MED21: variants seen among roughly 807,000 people sequenced by gnomAD.
MED21 encodes mediator of RNA polymerase II transcription subunit 21.
Under a neutral mutation model 18.2 loss-of-function variants are expected in MED21, and 9 were observed. The ratio of observed to expected loss-of-function variants is 0.49; its 90% CI spans 0.30 to 0.86. The LOEUF is 0.86. MED21 is among the 40% of genes least tolerant of loss of function. The probability of loss-of-function intolerance (pLI) is 0.07; values close to 1 mark genes in which losing one functional copy is unlikely to be tolerated. For missense variants in MED21, 150 were observed against 170.9 expected (o/e 0.88, Z 0.68); for synonymous variants, 73 against 60.5 (o/e 1.21, Z -0.96).
Position 27,028,804 on chromosome 12 carries a change from CAA to C in MED21, c.*346_*347del. On this transcript the variant is annotated 3_prime_UTR_variant, in exon 4 of 4. Transcript: ENST00000282892. ...TGTATTGGCCAGTACTTTTACAAAT[CAA>C]AACATCTCTCAAGCCAAAGGAGAAG... 1.0e-6 allele frequency: 1 copy of C among 999,572 alleles called. No individual in the cohort carries two copies. The highest frequency in any genetic ancestry group is 1.2e-6 in the Non-Finnish European group (1 of 838,440). The allele number at this position is 999,572 out of a possible 1,614,324, so 61.9% of individuals were successfully genotyped here. A position where few individuals can be genotyped will look rare whatever the true frequency, so the allele number is the denominator to read the frequency against.
intron 1 of MED21, among the ~76,000 whole-genome samples, chr12:27,025,179 C>G (rs761708102): frequency 6.6e-6 from 1 of 152,096 alleles, no homozygotes; most frequent in Non-Finnish European, 1.5e-5. Flanking sequence ...GAGAATGTAT[C>G]CAATTTAAAA....
At chr12:27,031,907 G>A (rs77140878), downstream of MED21, among the ~76,000 whole-genome samples, 3,018 of 152,190 alleles carry the variant, frequency 0.02, 100 homozygotes, top group African/African-American at 0.068. Context: ...CAAGGCGTGC[G>A]TACCCCTTGG....
In MED21 at chr12:27,028,594, T is replaced by A. The variant is rs1216820744; in HGVS notation, c.*133T>A. The A allele has an allele frequency of 1.5e-6, 2 of 1,331,308 alleles. No homozygotes were observed. The highest frequency in any genetic ancestry group is 3.3e-5 in the Admixed American group (1 of 30,588). The allele number at this position is 1,331,308 out of a possible 1,614,324, so 82.5% of individuals were successfully genotyped here. ...CTATGACACATTACCTTTTTAGCTA[T>A]TTTTAATAGTCTTCTATTTTCACTC... On this transcript the variant is annotated 3_prime_UTR_variant, in exon 4 of 4. Coordinates refer to ENST00000282892, the MANE Select transcript of MED21 (RefSeq NM_004264.5).
At chr12:27,026,641 G>A (rs1469277047) in intron 2 of MED21, 107 bp downstream of exon 2, 4 of 807,890 alleles carry the variant, frequency 5.0e-6, no homozygotes, top group South Asian at 1.6e-5. Flanking sequence ...TAAAATTATT[G>A]TTGTTTGAGA....
chr12:27,038,281 T>TA (rs1941661741), intron 2 of MED21: 1 of 151,944 alleles, frequency 6.6e-6, no homozygotes, highest in South Asian at 2.1e-4. Flanking sequence ...GTTTTTTTTT[T>TA]AAAGTACATT....
chr12:27,022,884 G>GGA (rs752208467), intron 1 of MED21: 3 of 1,399,234 alleles, frequency 2.1e-6, no homozygotes, highest in East Asian at 3.1e-5. Context: ...GAGGCCGCCA[G>GGA]GACTTGTGGG....
At chr12:27,031,043 G>T (rs1453217640), downstream of MED21, among the ~76,000 whole-genome samples, 1 of 152,158 alleles carries the variant, frequency 6.6e-6, no homozygotes, top group Admixed American at 6.5e-5. Context: ...GAATAGCTGG[G>T]ATTACAGGCA....
chr12:27,035,120 C>T (rs1941641269), downstream of MED21, among the ~76,000 whole-genome samples: 1 of 152,096 alleles, frequency 6.6e-6, no homozygotes, highest in African/African-American at 2.4e-5. Flanking sequence ...TTGGGAGGAT[C>T]GCTTAAGCCT....
rs1387072253 is a variant in MED21, at chr12:27,026,546, T to C, written c.157+12T>C. The C allele has an allele frequency of 1.9e-6, 3 of 1,540,418 alleles. No homozygotes were observed. In the East Asian group the frequency reaches 6.8e-5, roughly 35 times the overall value. On this transcript the variant is annotated intron_variant, in intron 2 of 3. Coordinates refer to ENST00000282892, the MANE Select transcript of MED21 (RefSeq NM_004264.5). ...TAACCCTACAGAAGGTAAACAGGTT[T>C]TCTTAGCTTCTCTTAGTTTGACTCT...
At chr12:27,023,624 A>G (rs537383961) in intron 1 of MED21, among the ~76,000 whole-genome samples, 1 of 151,720 alleles carries the variant, frequency 6.6e-6, no homozygotes, top group South Asian at 2.1e-4. Flanking sequence ...GTCTCCCCCA[A>G]ATTCTACTCT....
chr12:27,022,940 T>C (rs2136479900), intron 1 of MED21: 1 of 1,207,862 alleles, frequency 8.3e-7, no homozygotes, highest in Non-Finnish European at 1.0e-6. Flanking sequence ...TATTTTCTTG[T>C]CAGTGGTGCT....
rs1158951717 is a variant in MED21, at chr12:27,028,538, G to A, written c.*77G>A. On this transcript the variant is annotated 3_prime_UTR_variant, in exon 4 of 4. Transcript: ENST00000282892. Reference sequence around the variant, plus strand: ...AATTCTGCATCAGACTTAGATACAAGCCTTACCAACAATTACAGAAACATT... The same window carrying A: ...AATTCTGCATCAGACTTAGATACAAACCTTACCAACAATTACAGAAACATT... 11 of 1,504,082 alleles carry A rather than the reference G, an allele frequency of 7.3e-6. No homozygotes were observed. Among genetic ancestry groups the A allele is most frequent in the South Asian group, 1.4e-5 (1 of 71,806 alleles). The allele number at this position is 1,504,082 out of a possible 1,614,324, so 93.2% of individuals were successfully genotyped here.
At chr12:27,022,691 C>G in intron 1 of MED21, 70 bp downstream of exon 1, 1 of 1,612,076 alleles carries the variant, frequency 6.2e-7, no homozygotes, top group Non-Finnish European at 8.5e-7. Context: ...GAAAGGGGCC[C>G]AAGAGGCAAA....
intron 1 of MED21, among the ~76,000 whole-genome samples, chr12:27,025,186 A>G (rs145960899): frequency 2.2e-4 from 34 of 152,354 alleles, no homozygotes; most frequent in Non-Finnish European, 1.2e-4. Context: ...TATCCAATTT[A>G]AAAATGAAAA....
In MED21 at chr12:27,026,505, A is replaced by G. The variant is rs1193458892; in HGVS notation, c.128A>G (p.Asn43Ser). The G allele has an allele frequency of 6.2e-7, 1 of 1,613,834 alleles. No homozygotes were observed. The highest frequency in any genetic ancestry group is 1.1e-5 in the South Asian group (1 of 91,056). ...ASFNNIQTAI[N>S]KDQPANPTEE... Reference sequence around the variant, plus strand: ...TTCAATAATATTCAGACAGCAATTAACAAAGACCAGCCAGCTAACCCTACA... The same window carrying G: ...TTCAATAATATTCAGACAGCAATTAGCAAAGACCAGCCAGCTAACCCTACA... Residue 43 changes from asparagine to serine, a missense_variant, in exon 2 of 4, where the codon AAC (asparagine) becomes AGC (serine). Asn to Ser is a conservative substitution (Grantham distance 46). Transcript: ENST00000282892.
downstream of MED21, among the ~76,000 whole-genome samples, chr12:27,035,651 A>C (rs1941645495): frequency 7.6e-6 from 1 of 131,986 alleles, no homozygotes; most frequent in African/African-American, 2.9e-5. Context: ...ATGTGTTCTC[A>C]CTGTTGAATT....
At chr12:27,023,469 G>T (rs1001355058) in intron 1 of MED21, among the ~76,000 whole-genome samples, 1 of 151,746 alleles carries the variant, frequency 6.6e-6, no homozygotes, top group South Asian at 2.1e-4. Context: ...GCTAATGTTT[G>T]TATTTTTAGT....
At chr12:27,033,836 C>T (rs928366798), downstream of MED21, among the ~76,000 whole-genome samples, 3 of 152,152 alleles carry the variant, frequency 2.0e-5, no homozygotes, top group Admixed American at 6.5e-5. Context: ...TTGTGGTATT[C>T]GGCCAAGACA....
rs1555110734 is a variant in MED21, at chr12:27,023,295, C to CTTTTT, written c.42+678_42+679insTTTTT. On this transcript the variant is annotated intron_variant, in intron 1 of 3. Coordinates refer to ENST00000282892, the MANE Select transcript of MED21 (RefSeq NM_004264.5). ...CTTTCCGCTTATTTGAGTCTTTTTTCTTTTCTTTTTTTTTTTTTTTTTACT... is the reference window on the plus strand; with the variant it reads ...CTTTCCGCTTATTTGAGTCTTTTTTCTTTTTTTTTCTTTTTTTTTTTTTTTTTACT... Among the ~76,000 whole-genome samples the CTTTTT allele has an allele frequency of 2.6e-4, 16 of 61,350 alleles. No individual in the cohort carries two copies. In the South Asian group the frequency reaches 5.4e-3, roughly 21 times the overall value. The allele number at this position is 61,350 out of a possible 152,430, so 40.2% of individuals were successfully genotyped here.
Sources: gnomAD v4.1 joint callset for allele counts (sites outside exome capture counted in the v4.1 genomes callset) on GRCh38, gnomAD v4.1.1 for gene constraint, MANE v1.5 for transcripts, NCBI Gene and HGNC (gene_info 2026-07-23, HGNC 2026-07-21) for gene names.